Variants in CDH3 observed in about 807,000 individuals in gnomAD.
The protein encoded by CDH3 is cadherin 3.
In CDH3, 54 loss-of-function variants were observed where a neutral mutation model predicts 82.0. That is an observed-to-expected ratio of 0.66 (90% CI 0.53 to 0.83). CDH3 has a LOEUF of 0.83. CDH3 is among the 40% of genes least tolerant of loss of function. The probability of loss-of-function intolerance (pLI) is 0.00; values close to 1 mark genes in which losing one functional copy is unlikely to be tolerated. For synonymous variants in CDH3, 446 were observed against 437.9 expected (o/e 1.02, Z -0.23); for missense variants, 1,054 against 1,084.6 (o/e 0.97, Z 0.40).
intron 2 of CDH3, among the ~76,000 whole-genome samples, chr16:68,673,376 C>T (rs964183462): frequency 6.6e-6 from 1 of 152,120 alleles, no homozygotes; most frequent in Non-Finnish European, 1.5e-5. Context: ...ATCTATCTCC[C>T]GAACTTTTTC....
At chr16:68,694,913 G>C (rs1041876835) in intron 13 of CDH3, among the ~76,000 whole-genome samples, 1 of 152,144 alleles carries the variant, frequency 6.6e-6, no homozygotes, top group Admixed American at 6.6e-5. Flanking sequence ...GCTGAGAGCT[G>C]ACATGTGGGA....
chr16:68,665,226 G>T (rs906780066), intron 2 of CDH3, among the ~76,000 whole-genome samples: 1 of 151,828 alleles, frequency 6.6e-6, no homozygotes, highest in Non-Finnish European at 1.5e-5. Flanking sequence ...GGCTAACATG[G>T]TGAAACCTCA....
Position 68,687,524 on chromosome 16 carries a change from C to G in CDH3, c.1583C>G (p.Thr528Ser). 1.2e-6 allele frequency: 2 copies of G among 1,614,084 alleles called. No homozygotes were observed. The highest frequency in any genetic ancestry group is 3.3e-5 in the Admixed American group (2 of 60,018). Residue 528 changes from threonine to serine, a missense_variant, in exon 12 of 16, where the codon ACC becomes AGC. Coordinates refer to ENST00000264012, the MANE Select transcript of CDH3 (RefSeq NM_001793.6). ...VLAMDNGSPP[T>S]TGTGTLLLTL... The stretch of plus-strand genomic sequence containing the variant: ...TCATTACAAACAGGAAGCCCTCCCA[C>G]CACTGGCACGGGAACCCTTCTGCTA...
chr16:68,724,000 C>T lies in CDH3; in HGVS notation c.*45+1384C>T, dbSNP rs182872952. Among the ~76,000 whole-genome samples, 1,024 of 146,742 alleles carry T rather than the reference C, an allele frequency of 7.0e-3. 6 individuals are homozygous for T. The highest frequency in any genetic ancestry group is 0.012 in the Non-Finnish European group (802 of 67,200). On this transcript the variant is annotated intron_variant, in intron 2 of 2. Coordinates refer to the CDH3 transcript ENST00000569080. ...AGGAGAATGGCGTGAACCCGGGAGG[C>T]GGAGCTTGCAGTGAGCCGAGATCGG... is the stretch of plus-strand genomic sequence containing the variant.
At chr16:68,683,226 G>C (rs772748752) in intron 9 of CDH3, among the ~76,000 whole-genome samples, 11 of 152,170 alleles carry the variant, frequency 7.2e-5, no homozygotes, top group Non-Finnish European at 1.6e-4. Context: ...GGGGTTTGCT[G>C]TCCTGTTTTC....
At chr16:68,692,023 C>A in intron 13 of CDH3, 97 bp downstream of exon 13, 1 of 909,930 alleles carries the variant, frequency 1.1e-6, no homozygotes, top group Non-Finnish European at 1.7e-6. Context: ...AGGCCACCAA[C>A]ATTGCCCGTC....
chr16:68,683,961 A>G (rs1597810807), intron 9 of CDH3, among the ~76,000 whole-genome samples: 1 of 144,108 alleles, frequency 6.9e-6, no homozygotes, highest in East Asian at 2.1e-4. Context: ...CAGCTACTCG[A>G]GAGGCTGAGG....
the CDH3 span, among the ~76,000 whole-genome samples, chr16:68,733,560 T>C: frequency 1.3e-5 from 2 of 152,148 alleles, no homozygotes; most frequent in African/African-American, 4.8e-5. Flanking sequence ...CTGGCCAACA[T>C]GGCGAAATCC....
At chr16:68,665,688 A>T (rs1960714281) in intron 2 of CDH3, among the ~76,000 whole-genome samples, 2 of 152,052 alleles carry the variant, frequency 1.3e-5, no homozygotes, top group South Asian at 4.1e-4. Flanking sequence ...GTCCTTGAGG[A>T]TGGTAGCCAG....
intron 10 of CDH3, 147 bp from the exon 11 acceptor site, chr16:68,685,058 G>A: frequency 9.1e-7 from 1 of 1,093,100 alleles, no homozygotes; most frequent in African/African-American, 1.5e-5. Context: ...GCTGCTTTAG[G>A]TCCCCGTTTA....
chr16:68,685,233 T>C lies in CDH3; in HGVS notation c.1453T>C (p.Trp485Arg). Residue 485 changes from tryptophan to arginine, a missense_variant, in exon 11 of 16, where the codon TGG becomes CGG. By Grantham distance (101) the Trp-to-Arg change is moderately radical. Transcript: ENST00000264012. ...CCGCATCCTGAGAGACCCAGCAGGG[T>C]GGCTAGCCATGGACCCAGACAGTGG... ...SYRILRDPAG[W>R]LAMDPDSGQV... 6.2e-7 allele frequency: 1 copy of C among 1,614,096 alleles called. No homozygotes were observed. The highest frequency in any genetic ancestry group is 2.2e-5 in the East Asian group (1 of 44,880).
At chr16:68,680,912 G>A in intron 7 of CDH3, 56 bp from the exon 8 acceptor site, 1 of 1,608,624 alleles carries the variant, frequency 6.2e-7, no homozygotes, top group Non-Finnish European at 8.5e-7. Context: ...TGGAGGTCAG[G>A]GGAGGGACCC....
rs1346957505 is a variant in CDH3 at position 68,675,772 on chromosome 16, G to C, written c.161-613G>C. On this transcript the variant is annotated intron_variant, in intron 2 of 15. Transcript: ENST00000264012. ...TTGTGCCACTACACTCCAGCCTGGT[G>C]ACAGAGCAAGACTCTGCCTCGAAAA... Among the ~76,000 whole-genome samples, 7 of 149,172 alleles carry C rather than the reference G, an allele frequency of 4.7e-5. No homozygotes were observed. The East Asian group carries it at 1.4e-3, about 29-fold the overall frequency.
At chr16:68,704,991 G>A (rs112773020), downstream of CDH3, among the ~76,000 whole-genome samples, 1 of 152,140 alleles carries the variant, frequency 6.6e-6, no homozygotes, top group African/African-American at 2.4e-5. Flanking sequence ...GAGCCTAGGA[G>A]GTCAAGGCTG....
At chr16:68,646,741 T>C (rs1048552657) in intron 2 of CDH3, among the ~76,000 whole-genome samples, 5 of 152,142 alleles carry the variant, frequency 3.3e-5, no homozygotes, top group African/African-American at 4.8e-5. Flanking sequence ...ACTGAAATTT[T>C]TGGGAACTTG....
chr16:68,698,026 T>G (rs1961783278), intron 15 of CDH3, 165 bp from the exon 16 acceptor site: 1 of 724,658 alleles, frequency 1.4e-6, no homozygotes. Flanking sequence ...TGCTGTCTGC[T>G]GGTCCCTGAG....
At chr16:68,730,320 A>T (rs1327999577), downstream of CDH3, among the ~76,000 whole-genome samples, 1 of 151,332 alleles carries the variant, frequency 6.6e-6, no homozygotes, top group Non-Finnish European at 1.5e-5. Flanking sequence ...TGAGGTCGGG[A>T]GTTGGAGACC....
intron 2 of CDH3, among the ~76,000 whole-genome samples, chr16:68,675,146 A>G (rs1960995012): frequency 6.6e-6 from 1 of 152,106 alleles, no homozygotes; most frequent in African/African-American, 2.4e-5. Context: ...TGAAAGAAAA[A>G]AAAAACCCTC....
chr16:68,662,392 A>G (rs1278085826), intron 2 of CDH3, among the ~76,000 whole-genome samples: 1 of 152,180 alleles, frequency 6.6e-6, no homozygotes, highest in African/African-American at 2.4e-5. Context: ...TAGGAGGTCT[A>G]GGCTGTAGTG....
Sources: allele counts gnomAD v4.1 joint callset (sites outside exome capture counted in the v4.1 genomes callset), GRCh38; gene constraint gnomAD v4.1.1; transcripts MANE v1.5; gene names NCBI Gene and HGNC (gene_info 2026-07-23, HGNC 2026-07-21).